RSPO2: variants seen among roughly 807,000 people sequenced by gnomAD.
RSPO2 encodes R-spondin 2, also known as R-spondin-2.
In RSPO2, 14 loss-of-function variants were observed where a neutral mutation model predicts 30.9. That is an observed-to-expected ratio of 0.45 (90% CI 0.30 to 0.71). The LOEUF is 0.71. Among genes scored for constraint, RSPO2 ranks in the 30% least tolerant of loss-of-function variants. The pLI, the probability that RSPO2 is intolerant of heterozygous loss-of-function variation, is 0.08. For synonymous variants in RSPO2, 107 were observed against 96.4 expected (o/e 1.11, Z -0.64); for missense variants, 264 against 301.9 (o/e 0.87, Z 0.93).
chr8:108,012,826 A>G (rs1810752334), intron 2 of RSPO2, among the ~76,000 whole-genome samples: 1 of 152,210 alleles, frequency 6.6e-6, no homozygotes, highest in Non-Finnish European at 1.5e-5. Flanking sequence ...ATTAACAAAG[A>G]TTAGAAAATA....
At chr8:107,936,598 T>C (rs977319144) in intron 5 of RSPO2, among the ~76,000 whole-genome samples, 3 of 152,194 alleles carry the variant, frequency 2.0e-5, no homozygotes, top group Admixed American at 1.3e-4. Flanking sequence ...AAGCATTCCC[T>C]TTCTCCACAT....
intron 2 of RSPO2, among the ~76,000 whole-genome samples, chr8:108,026,437 T>C (rs1469680112): frequency 6.6e-6 from 1 of 152,206 alleles, no homozygotes; most frequent in Non-Finnish European, 1.5e-5. Flanking sequence ...CTTATTTTAA[T>C]AAATTCATTG....
At chr8:107,948,020 C>A (rs1468089093) in intron 5 of RSPO2, among the ~76,000 whole-genome samples, 1 of 152,204 alleles carries the variant, frequency 6.6e-6, no homozygotes, top group Admixed American at 6.5e-5. Flanking sequence ...TATAAGTTAT[C>A]CTCTTCAGGA....
At chr8:108,036,895 G>C (rs972019220) in intron 2 of RSPO2, among the ~76,000 whole-genome samples, 1 of 151,896 alleles carries the variant, frequency 6.6e-6, no homozygotes, top group Non-Finnish European at 1.5e-5. Flanking sequence ...AATTGTTTTG[G>C]GGCACCAAAA....
intron 4 of RSPO2, among the ~76,000 whole-genome samples, chr8:107,959,937 C>CTTTATATCATA (rs1470749122): frequency 1.3e-5 from 2 of 152,048 alleles, no homozygotes; most frequent in Non-Finnish European, 2.9e-5. Context: ...TAATACATAG[C>CTTTATATCATA]TGTGTTGTAT....
intron 5 of RSPO2, among the ~76,000 whole-genome samples, chr8:107,946,486 GC>G (rs1813062583): frequency 6.6e-6 from 1 of 152,180 alleles, no homozygotes; most frequent in South Asian, 2.1e-4. Flanking sequence ...AGGGAGAGGT[GC>G]CCACGAACGG....
At position 107,958,209 on chromosome 8, in the gene RSPO2, A is replaced by G. The variant is rs1311412050; in HGVS notation, c.487T>C (p.Cys163Arg). 6.2e-7 allele frequency: 1 copy of G among 1,613,728 alleles called. No homozygotes were observed. The highest frequency in any genetic ancestry group is 1.1e-5 in the South Asian group (1 of 91,068). Reference protein sequence around the residue: ...WGTCSRNNRTCGFKWGLETRT... With the variant: ...WGTCSRNNRTRGFKWGLETRT... The stretch of plus-strand genomic sequence containing the variant: ...GTTTCCAGACCCCATTTAAATCCAC[A>G]TGTGCGATTATTTCTGCTACAAGTT... The change falls in exon 5 of 6, where the codon TGT becomes CGT. Residue 163 changes from cysteine to arginine, a missense_variant. Coordinates refer to ENST00000276659, the MANE Select transcript of RSPO2 (RefSeq NM_178565.5).
intron 5 of RSPO2, among the ~76,000 whole-genome samples, chr8:107,922,589 A>T (rs963169682): frequency 2.0e-4 from 31 of 152,146 alleles, no homozygotes; most frequent in African/African-American, 7.5e-4. Context: ...AACTAGAAAA[A>T]ACTATTTTAA....
intron 3 of RSPO2, among the ~76,000 whole-genome samples, chr8:107,963,708 T>C (rs1485051231): frequency 6.6e-6 from 1 of 152,042 alleles, no homozygotes; most frequent in Non-Finnish European, 1.5e-5. Flanking sequence ...TAATTACATT[T>C]ATGTAATTAA....
intron 3 of RSPO2, among the ~76,000 whole-genome samples, chr8:107,976,841 GATTCT>G (rs1204472187): frequency 6.6e-6 from 1 of 152,178 alleles, no homozygotes; most frequent in African/African-American, 2.4e-5. Context: ...GCTTTAAAAT[GATTCT>G]ATTCATGTAG....
At chr8:108,076,825 G>A (rs1414842796) in intron 2 of RSPO2, among the ~76,000 whole-genome samples, 4 of 152,128 alleles carry the variant, frequency 2.6e-5, no homozygotes, top group South Asian at 2.1e-4. Flanking sequence ...ATGACAGTTC[G>A]AGAAACAGGG....
At chr8:107,978,360 G>C (rs1041472770) in intron 3 of RSPO2, among the ~76,000 whole-genome samples, 19 of 152,150 alleles carry the variant, frequency 1.2e-4, no homozygotes, top group African/African-American at 4.6e-4. Context: ...CCAGGAGGCA[G>C]AGATTGCAGT....
intron 2 of RSPO2, among the ~76,000 whole-genome samples, chr8:108,037,880 A>G (rs991923187): frequency 6.6e-6 from 1 of 152,210 alleles, no homozygotes. Flanking sequence ...CCTACTACTC[A>G]TTGACAATGC....
intron 2 of RSPO2, among the ~76,000 whole-genome samples, chr8:108,039,281 C>T (rs1398319441): frequency 6.6e-6 from 1 of 152,138 alleles, no homozygotes; most frequent in African/African-American, 2.4e-5. Flanking sequence ...GCAGCAATTC[C>T]TCACTACTTA....
chr8:108,017,451 G>C (rs979213598), intron 2 of RSPO2, among the ~76,000 whole-genome samples: 2 of 152,206 alleles, frequency 1.3e-5, no homozygotes, highest in African/African-American at 4.8e-5. Context: ...CTCTTGTGTA[G>C]TGAGGAAGAG....
chr8:108,067,117 A>T (rs570610228), intron 2 of RSPO2, among the ~76,000 whole-genome samples: 2 of 152,222 alleles, frequency 1.3e-5, no homozygotes. Context: ...TTTTTCAATA[A>T]GTCAATGGCA....
Position 107,900,021 on chromosome 8 carries a change from T to C in RSPO2, c.*1054A>G, listed in dbSNP as rs528089698. The C allele has an allele frequency of 5.9e-4, 88 of 149,856 alleles. No individual in the cohort carries two copies. The highest frequency in any genetic ancestry group is 2.1e-3 in the African/African-American group (86 of 41,040). 9.3% of individuals were successfully genotyped at this position (149,856 alleles called of 1,614,324 possible). On this transcript the variant is annotated 3_prime_UTR_variant, in exon 6 of 6. Transcript: ENST00000276659. ...TTTAAAGCCAGGGATTGCTTTAAAT[T>C]TGGGGGAAAAAAATTGCAGTCAGAA...
rs116515602 is a variant in RSPO2 at position 107,969,997 on chromosome 8, A to G, written c.284-9180T>C. On this transcript the variant is annotated intron_variant, in intron 3 of 5. Transcript: ENST00000276659. ...TAAATGGAAAAGCATATGTAAGCTAATATATGTGGTGCCCTCCACTCAACC... is the reference window on the plus strand; with the variant it reads ...TAAATGGAAAAGCATATGTAAGCTAGTATATGTGGTGCCCTCCACTCAACC... Among the ~76,000 whole-genome samples, 474 of 152,302 alleles carry G rather than the reference A, an allele frequency of 3.1e-3. 5 individuals are homozygous for G. The highest frequency in any genetic ancestry group is 0.01 in the African/African-American group (425 of 41,560).
chr8:107,968,350 A>T (rs116205793), intron 3 of RSPO2, among the ~76,000 whole-genome samples: 1,836 of 152,284 alleles, frequency 0.012, 27 homozygotes, highest in African/African-American at 0.04. Flanking sequence ...CCAGGCACAG[A>T]AAGACAAATA....
Sources: allele counts gnomAD v4.1 joint callset (sites outside exome capture counted in the v4.1 genomes callset), GRCh38; gene constraint gnomAD v4.1.1; transcripts MANE v1.5; gene names NCBI Gene and HGNC (gene_info 2026-07-23, HGNC 2026-07-21).